PSPC1: variants seen among roughly 807,000 people sequenced by gnomAD.
PSPC1 encodes the protein paraspeckle component 1, also known as paraspeckle protein 1.
PSPC1 carries 14 observed loss-of-function variants against 51.6 expected under a neutral mutation model. The observed-to-expected ratio is 0.27, with a 90% CI of 0.18 to 0.42. PSPC1 has a LOEUF of 0.42. PSPC1 is among the 10% of genes least tolerant of loss of function. The pLI is 1.00. For missense variants in PSPC1, 406 were observed against 701.1 expected (o/e 0.58, Z 4.75); for synonymous variants, 193 against 231.9 (o/e 0.83, Z 1.53).
At chr13:19,745,853 G>A (rs1432414670) in intron 4 of PSPC1, among the ~76,000 whole-genome samples, 2 of 151,742 alleles carry the variant, frequency 1.3e-5, no homozygotes, top group Non-Finnish European at 2.9e-5. Flanking sequence ...TCTCCTGTCG[G>A]CATTAATGTT....
At chr13:19,733,869 C>T (rs1386483137) in intron 5 of PSPC1, among the ~76,000 whole-genome samples, 3 of 151,844 alleles carry the variant, frequency 2.0e-5, no homozygotes, top group African/African-American at 7.3e-5. Context: ...GGGAAGATCA[C>T]TTGAACCCCA....
chr13:19,746,454 G>A (rs1190459351), intron 4 of PSPC1, among the ~76,000 whole-genome samples: 4 of 151,976 alleles, frequency 2.6e-5, no homozygotes, highest in Admixed American at 6.6e-5. Flanking sequence ...GCCAGGCGCA[G>A]TGGCTCACGC....
chr13:19,746,160 T>C (rs1352332676), intron 4 of PSPC1, among the ~76,000 whole-genome samples: 1 of 151,680 alleles, frequency 6.6e-6, no homozygotes, highest in Non-Finnish European at 1.5e-5. Flanking sequence ...TCCTAGCACT[T>C]TGGGAGGCTG....
chr13:19,732,949 GA>G (rs879714450), intron 5 of PSPC1, among the ~76,000 whole-genome samples: 67 of 144,096 alleles, frequency 4.6e-4, no homozygotes, highest in Admixed American at 7.0e-4. Flanking sequence ...AAAAGAAAAA[GA>G]AAAAAAAAAC....
At chr13:19,680,547 C>T (rs1877158109) in intron 6 of PSPC1, among the ~76,000 whole-genome samples, 1 of 152,028 alleles carries the variant, frequency 6.6e-6, no homozygotes, top group South Asian at 2.1e-4. Context: ...AAGACAAAGA[C>T]AGCACTTAAT....
At chr13:19,743,881 G>A (rs1458883276) in intron 4 of PSPC1, among the ~76,000 whole-genome samples, 4 of 152,100 alleles carry the variant, frequency 2.6e-5, no homozygotes, top group Non-Finnish European at 5.9e-5. Flanking sequence ...GCTGAGGCAG[G>A]CGGATCACCT....
At chr13:19,777,401 G>A (rs1199591673) in intron 1 of PSPC1, among the ~76,000 whole-genome samples, 1 of 131,646 alleles carries the variant, frequency 7.6e-6, no homozygotes, top group African/African-American at 3.0e-5. Context: ...CTGCACTCCA[G>A]CCTGGGCGAC....
intron 4 of PSPC1, 55 bp downstream of exon 4, chr13:19,751,216 C>A (rs955850655): frequency 4.9e-6 from 7 of 1,425,854 alleles, no homozygotes; most frequent in Non-Finnish European, 6.5e-6. Context: ...GAATGGTACA[C>A]ACACTTAAGG....
chr13:19,738,743 T>C (rs1885115350), intron 5 of PSPC1, among the ~76,000 whole-genome samples: 1 of 151,856 alleles, frequency 6.6e-6, no homozygotes, highest in Non-Finnish European at 1.5e-5. Flanking sequence ...CCGTCTCTAC[T>C]AAAAATACAA....
At chr13:19,738,273 G>A (rs549901501) in intron 5 of PSPC1, among the ~76,000 whole-genome samples, 8 of 152,194 alleles carry the variant, frequency 5.3e-5, no homozygotes, top group African/African-American at 1.7e-4. Flanking sequence ...CTCTAATGAT[G>A]AGAAATTTGA....
In PSPC1 at chr13:19,715,519, A is replaced by C. The variant is rs530197442; in HGVS notation, c.1159-5920T>G. The stretch of plus-strand genomic sequence containing the variant: ...CTTTTTAAACACCAACACGATGCCC[A>C]AAGTGGAAGATTCCATACTTGACCT... On this transcript the variant is annotated intron_variant, in intron 6 of 8. Transcript: ENST00000338910. Among the ~76,000 whole-genome samples, 3 of 152,330 alleles carry C rather than the reference A, an allele frequency of 2.0e-5. No individual in the cohort carries two copies. In the East Asian group the frequency reaches 5.8e-4, roughly 29 times the overall value.
At chr13:19,701,669 A>C (rs1368898735), downstream of PSPC1, among the ~76,000 whole-genome samples, 2 of 152,250 alleles carry the variant, frequency 1.3e-5, no homozygotes, top group African/African-American at 2.4e-5. Flanking sequence ...AACTGCTTTT[A>C]TGCAAAATTT....
chr13:19,718,983 A>G (rs1280319128), intron 6 of PSPC1, among the ~76,000 whole-genome samples: 6 of 152,160 alleles, frequency 3.9e-5, no homozygotes, highest in Non-Finnish European at 5.9e-5. Flanking sequence ...GGGATAGAGA[A>G]GCAGAGCACA....
At chr13:19,692,226 C>T (rs1391500878) in intron 6 of PSPC1, among the ~76,000 whole-genome samples, 2 of 152,068 alleles carry the variant, frequency 1.3e-5, no homozygotes, top group South Asian at 2.1e-4. Flanking sequence ...CAGGTTCAAG[C>T]GATTCTCCTG....
At chr13:19,688,828 TA>T (rs1565960179) in intron 6 of PSPC1, among the ~76,000 whole-genome samples, 2 of 152,060 alleles carry the variant, frequency 1.3e-5, no homozygotes, top group African/African-American at 4.8e-5. Context: ...ATGGACCCTA[TA>T]GATTGTTTAG....
At chr13:19,688,603 G>A (rs973070543) in intron 6 of PSPC1, among the ~76,000 whole-genome samples, 2 of 152,136 alleles carry the variant, frequency 1.3e-5, no homozygotes, top group African/African-American at 4.8e-5. Flanking sequence ...GTCTGGAGTT[G>A]CTGGAAGACA....
chr13:19,693,151 A>G (rs1228152837), intron 6 of PSPC1, among the ~76,000 whole-genome samples: 2 of 152,156 alleles, frequency 1.3e-5, no homozygotes, highest in African/African-American at 4.8e-5. Flanking sequence ...GCCTGTGACC[A>G]CATCATGTTG....
chr13:19,772,983 G>A (rs1593773804), intron 1 of PSPC1, among the ~76,000 whole-genome samples: 1 of 151,956 alleles, frequency 6.6e-6, no homozygotes, highest in Non-Finnish European at 1.5e-5. Flanking sequence ...CCAACAGGGT[G>A]AAATCCCACC....
intron 4 of PSPC1, among the ~76,000 whole-genome samples, chr13:19,744,908 G>T (rs1455219824): frequency 6.6e-6 from 1 of 152,054 alleles, no homozygotes; most frequent in Non-Finnish European, 1.5e-5. Flanking sequence ...TTACACTCAG[G>T]AATTTTTCTT....
Sources: gnomAD v4.1 joint callset for allele counts (sites outside exome capture counted in the v4.1 genomes callset) on GRCh38, gnomAD v4.1.1 for gene constraint, MANE v1.5 for transcripts, NCBI Gene and HGNC (gene_info 2026-07-23, HGNC 2026-07-21) for gene names.